The following CACNA1D variants were observed in gnomAD, a reference collection of about 807,000 sequenced individuals.
CACNA1D encodes calcium voltage-gated channel subunit alpha1 D.
Under a neutral mutation model 257.1 loss-of-function variants are expected in CACNA1D, and 55 were observed. The ratio of observed to expected loss-of-function variants is 0.21; its 90% CI spans 0.17 to 0.27. CACNA1D has a LOEUF of 0.27. CACNA1D is among the 10% of genes least tolerant of loss of function. The pLI is 1.00. For missense variants in CACNA1D, 1,876 were observed against 2,784.0 expected, an observed-to-expected ratio of 0.67 and a Z score of 7.34; for synonymous variants, 980 against 1,014.9, an observed-to-expected ratio of 0.97 and a Z score of 0.65.
At chr3:53,623,184 G>A (rs577291726) in intron 3 of CACNA1D, among the ~76,000 whole-genome samples, 5 of 152,320 alleles carry the variant, frequency 3.3e-5, no homozygotes, top group East Asian at 1.9e-4. Flanking sequence ...CACCGCGCCC[G>A]GCCGAAAGAA....
At chr3:53,571,771 G>A (rs1412089290) in intron 3 of CACNA1D, among the ~76,000 whole-genome samples, 1 of 152,154 alleles carries the variant, frequency 6.6e-6, no homozygotes, top group African/African-American at 2.4e-5. Flanking sequence ...ATAAGACAAT[G>A]AGTTTTATTG....
chr3:53,659,522 C>T (rs1321503363), intron 4 of CACNA1D, among the ~76,000 whole-genome samples: 2 of 152,164 alleles, frequency 1.3e-5, no homozygotes, highest in Admixed American at 1.3e-4. Context: ...GTGTCAGATA[C>T]TGTAATAGGC....
chr3:53,537,123 A>G (rs1318590545), intron 3 of CACNA1D, among the ~76,000 whole-genome samples: 2 of 152,214 alleles, frequency 1.3e-5, no homozygotes, highest in African/African-American at 2.4e-5. Context: ...TCTCTCCTAC[A>G]TTGTCCTTTA....
At chr3:53,631,127 G>A (rs1275415995) in intron 3 of CACNA1D, among the ~76,000 whole-genome samples, 3 of 152,146 alleles carry the variant, frequency 2.0e-5, no homozygotes, top group African/African-American at 7.2e-5. Flanking sequence ...AAGGAAGTTT[G>A]CCACATGATA....
chr3:53,573,535 G>A (rs780546237), intron 3 of CACNA1D, among the ~76,000 whole-genome samples: 1 of 152,128 alleles, frequency 6.6e-6, no homozygotes, highest in Non-Finnish European at 1.5e-5. Flanking sequence ...AACTGCACCT[G>A]CCCCTGACAC....
intron 27 of CACNA1D, among the ~76,000 whole-genome samples, chr3:53,750,424 G>A (rs1290731590): frequency 1.3e-5 from 2 of 152,184 alleles, no homozygotes; most frequent in African/African-American, 4.8e-5. Flanking sequence ...TGATGACGAC[G>A]TCGCAAGCAA....
intron 39 of CACNA1D, chr3:53,782,670 T>A (rs1244989987): frequency 1.3e-5 from 2 of 152,142 alleles, no homozygotes; most frequent in Non-Finnish European, 2.9e-5. Context: ...AGAAGCAACG[T>A]GAGCTTTTGT....
chr3:53,715,590 C>T (rs2094809965), intron 9 of CACNA1D, among the ~76,000 whole-genome samples: 1 of 152,150 alleles, frequency 6.6e-6, no homozygotes, highest in Non-Finnish European at 1.5e-5. Flanking sequence ...TCATCCAGCC[C>T]TGGGGACCCA....
chr3:53,629,307 T>C (rs993917160), intron 3 of CACNA1D, among the ~76,000 whole-genome samples: 1 of 152,230 alleles, frequency 6.6e-6, no homozygotes, highest in African/African-American at 2.4e-5. Context: ...CAACCCACAT[T>C]TTCTCTGGCT....
intron 2 of CACNA1D, 51 bp downstream of exon 2, chr3:53,497,512 T>C (rs2090401006): frequency 6.3e-7 from 1 of 1,577,300 alleles, no homozygotes. Context: ...TACCATCTGT[T>C]TTTTAAAAGG....
At chr3:53,670,730 A>G (rs959940835) in intron 7 of CACNA1D, among the ~76,000 whole-genome samples, 1 of 152,146 alleles carries the variant, frequency 6.6e-6, no homozygotes, top group Non-Finnish European at 1.5e-5. Flanking sequence ...GATGACTTTG[A>G]TATAAGTTTT....
chr3:53,774,941 T>C lies in CACNA1D; in HGVS notation c.4202+263T>C, dbSNP rs969373733. On this transcript the variant is annotated intron_variant, in intron 34 of 47. Transcript: ENST00000350061. This position sits in a 1 kb window ranked among gnomAD's most constrained non-coding sequence, Gnocchi z 4.3. ...TTCATTTGGGAGTTAGTAGGGCTAC[T>C]TAGGCCACCTGAAAAATTGTAGGAT... 6.6e-6 allele frequency among the ~76,000 whole-genome samples: 1 copy of C among 152,220 alleles called. No homozygotes were observed. Among genetic ancestry groups the C allele is most frequent in the East Asian group, 1.9e-4 (1 of 5,200 alleles).
intron 46 of CACNA1D, 114 bp from the exon 47 acceptor site, chr3:53,809,864 C>T: frequency 1.1e-6 from 1 of 937,718 alleles, no homozygotes; most frequent in Non-Finnish European, 1.8e-6. Flanking sequence ...TTTCCAAGTC[C>T]TTGCCTGGAC....
rs561258383 is a variant in CACNA1D, at chr3:53,553,192, G to A, written c.483+51472G>A. ...CTAGTTGACACACTTATTCAGAATG[G>A]CCTTACTGCCAATTAGTGGAGCATG... On this transcript the variant is annotated intron_variant, in intron 3 of 47. Coordinates refer to ENST00000350061, the MANE Select transcript of CACNA1D (RefSeq NM_001128840.3). 2.6e-5 allele frequency among the ~76,000 whole-genome samples: 4 copies of A among 152,324 alleles called. No homozygotes were observed. In the South Asian group the frequency reaches 8.3e-4, roughly 32 times the overall value.
chr3:53,542,654 G>A (rs2092323353), intron 3 of CACNA1D, among the ~76,000 whole-genome samples: 1 of 152,162 alleles, frequency 6.6e-6, no homozygotes, highest in Non-Finnish European at 1.5e-5. Flanking sequence ...TTAGATGCAA[G>A]TTAGATATAA....
At chr3:53,555,937 G>C (rs935464900) in intron 3 of CACNA1D, among the ~76,000 whole-genome samples, 1 of 152,278 alleles carries the variant, frequency 6.6e-6, no homozygotes, top group East Asian at 1.9e-4. Context: ...TAACAGAACA[G>C]TTTTGTCCCC....
intron 2 of CACNA1D, among the ~76,000 whole-genome samples, chr3:53,499,145 T>C (rs913270488): frequency 2.6e-5 from 4 of 152,160 alleles, no homozygotes; most frequent in African/African-American, 9.7e-5. Context: ...AATGTGTACA[T>C]AGCAATTTTT....
At chr3:53,741,462 G>A (rs1160577126) in intron 21 of CACNA1D, among the ~76,000 whole-genome samples, 1 of 152,114 alleles carries the variant, frequency 6.6e-6, no homozygotes, top group Non-Finnish European at 1.5e-5. Context: ...AGTTTTTTGA[G>A]GTTGGTTTTT....
intron 3 of CACNA1D, among the ~76,000 whole-genome samples, chr3:53,554,332 C>T (rs111888634): frequency 6.7e-4 from 102 of 152,220 alleles, no homozygotes; most frequent in Non-Finnish European, 1.1e-3. Flanking sequence ...AGAAAAAAGA[C>T]GTTACAAAAA....
Sources: gnomAD v4.1 joint callset for allele counts (sites outside exome capture counted in the v4.1 genomes callset) on GRCh38, gnomAD v4.1.1 for gene constraint, Gnocchi (gnomAD v3.1) non-coding constraint, MANE v1.5 for transcripts, NCBI Gene and HGNC (gene_info 2026-07-23, HGNC 2026-07-21) for gene names.